Variants in CYREN observed in about 807,000 individuals in gnomAD.
CYREN encodes the protein cell cycle regulator of non-homologous end joining.
Under a neutral mutation model 9.7 loss-of-function variants are expected in CYREN, and 7 were observed. The ratio of observed to expected loss-of-function variants is 0.72; its 90% CI spans 0.41 to 1.36. The LOEUF is 1.36. Among genes scored for constraint, CYREN ranks in the 40% most tolerant of loss-of-function variants. The pLI is 0.01. For missense variants in CYREN, 215 were observed against 198.1 expected, an observed-to-expected ratio of 1.09 and a Z score of -0.51; for synonymous variants, 76 against 77.9, an observed-to-expected ratio of 0.98 and a Z score of 0.13.
chr7:135,109,613 C>T (rs188293248), intron 2 of CYREN, among the ~76,000 whole-genome samples: 1 of 152,220 alleles, frequency 6.6e-6, no homozygotes, highest in Non-Finnish European at 1.5e-5. Context: ...CCACCCCTCC[C>T]TCTGGGAGCT....
intron 1 of CYREN, among the ~76,000 whole-genome samples, chr7:135,170,117 A>T (rs1056641096): frequency 3.3e-5 from 5 of 152,262 alleles, no homozygotes; most frequent in African/African-American, 1.2e-4. Context: ...GTTAACTTGC[A>T]GAAGATCACA....
At chr7:135,159,779 A>G (rs1585353456) in intron 2 of CYREN, among the ~76,000 whole-genome samples, 1 of 152,252 alleles carries the variant, frequency 6.6e-6, no homozygotes, top group Non-Finnish European at 1.5e-5. Flanking sequence ...GAAGAAATAC[A>G]GATGGTCAAC....
At chr7:135,129,405 G>A in intron 2 of CYREN, 4 of 809,666 alleles carry the variant, frequency 4.9e-6, no homozygotes, top group Non-Finnish European at 8.9e-6. Flanking sequence ...ACAAAGGTAT[G>A]ATAAGAGGGT....
chr7:135,160,803 A>G (rs1247952596), downstream of CYREN, among the ~76,000 whole-genome samples: 1 of 152,190 alleles, frequency 6.6e-6, no homozygotes, highest in Non-Finnish European at 1.5e-5. Context: ...ACTGTTCCTC[A>G]GAGACATGAC....
chr7:135,134,670 A>AT (rs1829232601), intron 2 of CYREN, among the ~76,000 whole-genome samples: 1 of 152,104 alleles, frequency 6.6e-6, no homozygotes, highest in Admixed American at 6.6e-5. Flanking sequence ...AGTGCTAAAA[A>AT]AAAAATCATG....
chr7:135,109,776 C>T (rs144007910), intron 2 of CYREN, among the ~76,000 whole-genome samples: 140 of 152,326 alleles, frequency 9.2e-4, no homozygotes, highest in African/African-American at 3.2e-3. Flanking sequence ...AGCTGCTGTG[C>T]TGCGCCAGGG....
chr7:135,144,888 G>A (rs1434826633), intron 2 of CYREN, among the ~76,000 whole-genome samples: 2 of 134,124 alleles, frequency 1.5e-5, no homozygotes, highest in East Asian at 2.4e-4. Context: ...AGCTGTGATC[G>A]TGCCACTGCA....
intron 2 of CYREN, among the ~76,000 whole-genome samples, chr7:135,150,721 C>G (rs141338480): frequency 2.0e-4 from 31 of 152,232 alleles, no homozygotes; most frequent in African/African-American, 7.2e-4. Flanking sequence ...CCAACAGAAA[C>G]CAAATGAGAT....
chr7:135,152,940 G>C (rs540275337), intron 2 of CYREN: 1 of 152,282 alleles, frequency 6.6e-6, no homozygotes, highest in South Asian at 2.1e-4. Context: ...CTATGCATCT[G>C]ACCAAGGACT....
chr7:135,159,593 T>G (rs931594685), intron 2 of CYREN, among the ~76,000 whole-genome samples: 3 of 152,246 alleles, frequency 2.0e-5, no homozygotes, highest in African/African-American at 7.2e-5. Flanking sequence ...GGAATCTAAA[T>G]CTGCATCTTG....
At chr7:135,113,937 G>A (rs1229308381) in intron 2 of CYREN, among the ~76,000 whole-genome samples, 1 of 152,088 alleles carries the variant, frequency 6.6e-6, no homozygotes, top group Non-Finnish European at 1.5e-5. Flanking sequence ...TCAAATATTT[G>A]GATGACAAAT....
chr7:135,101,127 T>G (rs1462119817), intron 2 of CYREN: 1 of 454,348 alleles, frequency 2.2e-6, no homozygotes, highest in Non-Finnish European at 4.4e-6. Flanking sequence ...CACAAACATT[T>G]TTTAGAAATC....
chr7:135,121,669 C>T (rs1177834757), intron 2 of CYREN, among the ~76,000 whole-genome samples: 1 of 152,044 alleles, frequency 6.6e-6, no homozygotes, highest in Admixed American at 6.6e-5. Context: ...CAGCGGCATT[C>T]GGAGGCTCCC....
chr7:135,150,699 C>T (rs774375354), intron 2 of CYREN, among the ~76,000 whole-genome samples: 2 of 152,132 alleles, frequency 1.3e-5, no homozygotes, highest in Non-Finnish European at 1.5e-5. Flanking sequence ...CAAACTGGAC[C>T]GTGGAGTCCT....
At position 135,167,435 on chromosome 7, in the gene CYREN, G is replaced by A. The variant is rs1016096524; in HGVS notation, c.213+297C>T. ...TTTCCAAGAACACAAACAGGTAAAC[G>A]CTTCATGTCCCATCCACATACACAC... On this transcript the variant is annotated intron_variant, in intron 3 of 3. Coordinates refer to ENST00000393114, the MANE Select transcript of CYREN (RefSeq NM_024033.4). 1.3e-5 allele frequency: 16 copies of A among 1,216,518 alleles called. No homozygotes were observed. The African/African-American group carries it at 1.6e-4, about 12-fold the overall frequency. 75.4% of individuals were successfully genotyped at this position (1,216,518 alleles called of 1,614,324 possible).
Position 135,129,125 on chromosome 7 carries a change from G to A in CYREN, n.357-34543C>T. Reference sequence around the variant, plus strand: ...AGGTCAAAGAGCTAGTGGAAGCAGAGTTATTTGCCTATTATGACTGCCTTC... The same window carrying A: ...AGGTCAAAGAGCTAGTGGAAGCAGAATTATTTGCCTATTATGACTGCCTTC... On this transcript the variant is annotated intron_variant and non_coding_transcript_variant, in intron 2 of 2. Coordinates refer to the CYREN transcript ENST00000459937. 1.9e-6 allele frequency: 3 copies of A among 1,540,610 alleles called. No individual in the cohort carries two copies. In the East Asian group the frequency reaches 6.7e-5, roughly 35 times the overall value.
chr7:135,142,273 T>C (rs1829466541), intron 2 of CYREN, among the ~76,000 whole-genome samples: 1 of 152,164 alleles, frequency 6.6e-6, no homozygotes, highest in African/African-American at 2.4e-5. Flanking sequence ...TATCAATAAA[T>C]ACATCAAGTA....
At chr7:135,120,643 C>T (rs4732096) in intron 2 of CYREN, among the ~76,000 whole-genome samples, 73,357 of 151,580 alleles carry the variant, frequency 0.48, 18,050 homozygotes, top group South Asian at 0.65. Context: ...CAGTTAAGGA[C>T]AGATTAACAG....
At chr7:135,161,924 G>A (rs959924927), downstream of CYREN, among the ~76,000 whole-genome samples, 14 of 152,352 alleles carry the variant, frequency 9.2e-5, no homozygotes, top group South Asian at 1.5e-3. The surrounding 1 kb of genome is among the most constrained non-coding windows in gnomAD (Gnocchi z 4.1). Flanking sequence ...TGAGTCCAGA[G>A]AAGCGGCATC....
Sources: gnomAD v4.1 joint callset for allele counts (sites outside exome capture counted in the v4.1 genomes callset) on GRCh38, gnomAD v4.1.1 for gene constraint, Gnocchi (gnomAD v3.1) non-coding constraint, MANE v1.5 for transcripts, NCBI Gene and HGNC (gene_info 2026-07-23, HGNC 2026-07-21) for gene names.